Variants in ANKRD6 observed in about 807,000 individuals in gnomAD.
ANKRD6 encodes ankyrin repeat domain 6.
Under a neutral mutation model 82.3 loss-of-function variants are expected in ANKRD6, and 56 were observed. That is an observed-to-expected ratio of 0.68 (90% CI 0.55 to 0.85). ANKRD6 has a LOEUF of 0.85. Among genes scored for constraint, ANKRD6 ranks in the 40% least tolerant of loss-of-function variants. The pLI, the probability that ANKRD6 is intolerant of heterozygous loss-of-function variation, is 0.00. For synonymous variants in ANKRD6, 347 were observed against 352.1 expected, an observed-to-expected ratio of 0.99 and a Z score of 0.16; for missense variants, 852 against 907.6, an observed-to-expected ratio of 0.94 and a Z score of 0.79.
intron 1 of ANKRD6, among the ~76,000 whole-genome samples, chr6:89,525,513 G>A (rs910352997): frequency 2.0e-5 from 3 of 152,166 alleles, no homozygotes; most frequent in African/African-American, 7.2e-5. Flanking sequence ...TGGCTAATGA[G>A]TAGAAAGGAT....
intron 3 of ANKRD6, chr6:89,601,642 C>T (rs577613736): frequency 6.6e-6 from 1 of 152,128 alleles, no homozygotes; most frequent in African/African-American, 2.4e-5. Context: ...ATAAAATATA[C>T]ATAGCATTAA....
At chr6:89,586,077 A>G (rs1423846446) in intron 2 of ANKRD6, among the ~76,000 whole-genome samples, 1 of 152,242 alleles carries the variant, frequency 6.6e-6, no homozygotes, top group African/African-American at 2.4e-5. Context: ...TAAGAACAAG[A>G]AACACCAATC....
chr6:89,605,849 C>T (rs1451511733), intron 4 of ANKRD6, among the ~76,000 whole-genome samples, 158 bp from the exon 5 acceptor site: 1 of 152,156 alleles, frequency 6.6e-6, no homozygotes, highest in Non-Finnish European at 1.5e-5. Context: ...GAGAAACTTA[C>T]CACTCAAATC....
At chr6:89,618,383 G>A (rs1192921002) in intron 9 of ANKRD6, 3 of 588,288 alleles carry the variant, frequency 5.1e-6, no homozygotes, top group Non-Finnish European at 9.1e-6. Context: ...GCCCATCCCT[G>A]AAGAAGTGGG....
intron 1 of ANKRD6, among the ~76,000 whole-genome samples, chr6:89,523,518 T>C (rs1352042932): frequency 6.6e-6 from 1 of 152,212 alleles, no homozygotes; most frequent in African/African-American, 2.4e-5. Context: ...CTTTATGTGT[T>C]TATCCTATTG....
At chr6:89,526,910 CT>C (rs939672289) in intron 1 of ANKRD6, among the ~76,000 whole-genome samples, 1 of 152,216 alleles carries the variant, frequency 6.6e-6, no homozygotes, top group African/African-American at 2.4e-5. Flanking sequence ...CCACCTTGGC[CT>C]TTTTGTTTTA....
chr6:89,455,846 A>G (rs537351432), intron 1 of ANKRD6, among the ~76,000 whole-genome samples: 1 of 151,844 alleles, frequency 6.6e-6, no homozygotes, highest in Non-Finnish European at 1.5e-5. Context: ...TTCTTTATAA[A>G]TTATGCAGTC....
rs1465455653 is a variant in ANKRD6 at position 89,623,267 on chromosome 6, T to G, written c.898-143T>G. ...TTAGTTAAGACCACCAAGCAGTGTT[T>G]CCTATGTCTGAAATTTATGTTATTT... On this transcript the variant is annotated intron_variant, in intron 10 of 15. Coordinates refer to ENST00000339746, the MANE Select transcript of ANKRD6 (RefSeq NM_001242809.2). 19 of 1,166,462 alleles carry G rather than the reference T, an allele frequency of 1.6e-5. No individual in the cohort carries two copies. In the South Asian group the frequency reaches 2.3e-4, roughly 14 times the overall value. 72.3% of individuals were successfully genotyped at this position (1,166,462 alleles called of 1,614,324 possible). A position where few individuals can be genotyped will look rare whatever the true frequency, so the allele number is the denominator to read the frequency against.
At chr6:89,461,086 GT>G (rs964086033) in intron 1 of ANKRD6, among the ~76,000 whole-genome samples, 1 of 151,828 alleles carries the variant, frequency 6.6e-6, no homozygotes, top group Non-Finnish European at 1.5e-5. Flanking sequence ...TTTATTTATT[GT>G]TTTTTTGGTA....
rs143543823 is a variant in ANKRD6 at position 89,615,635 on chromosome 6, A to G, written c.616-924A>G. Among the ~76,000 whole-genome samples the G allele has an allele frequency of 8.5e-5, 13 of 152,296 alleles. No homozygotes were observed. The East Asian group carries it at 2.5e-3, about 29-fold the overall frequency. Reference sequence around the variant, plus strand: ...TGTGCAGAGCTTCCCTTCAATACACATAGCTAAGTGACTCAGAAATGAAAT... The same window carrying G: ...TGTGCAGAGCTTCCCTTCAATACACGTAGCTAAGTGACTCAGAAATGAAAT... On this transcript the variant is annotated intron_variant, in intron 7 of 15. Coordinates refer to ENST00000339746, the MANE Select transcript of ANKRD6 (RefSeq NM_001242809.2).
At position 89,557,209 on chromosome 6, in the gene ANKRD6, T is replaced by C. The variant is rs527382247; in HGVS notation, c.-143-9625T>C. ...TGGTAGGTGGTTGGGTGTTTAAATA[T>C]AGAGCTTCAGAGAACGTGATTGAGG... is the stretch of plus-strand genomic sequence containing the variant. On this transcript the variant is annotated intron_variant, in intron 1 of 15. Coordinates refer to ENST00000339746, the MANE Select transcript of ANKRD6 (RefSeq NM_001242809.2). Among the ~76,000 whole-genome samples the C allele has an allele frequency of 2.0e-5, 3 of 152,186 alleles. No homozygotes were observed. In the South Asian group the frequency reaches 6.2e-4, roughly 32 times the overall value.
intron 1 of ANKRD6, among the ~76,000 whole-genome samples, chr6:89,456,742 C>G (rs532706042): frequency 5.6e-4 from 85 of 152,200 alleles, no homozygotes; most frequent in South Asian, 3.7e-3. Context: ...TAAATTATGG[C>G]CACAGAAATT....
intron 1 of ANKRD6, among the ~76,000 whole-genome samples, chr6:89,438,492 T>C (rs1207601105): frequency 2.6e-5 from 4 of 152,202 alleles, no homozygotes; most frequent in Non-Finnish European, 5.9e-5. Flanking sequence ...AGCTAGGAAA[T>C]ACAGTCCCTG....
chr6:89,508,108 G>T (rs1281565433), intron 1 of ANKRD6, among the ~76,000 whole-genome samples: 1 of 152,120 alleles, frequency 6.6e-6, no homozygotes, highest in African/African-American at 2.4e-5. Context: ...ATTTATTGCT[G>T]TATAACAAAT....
intron 9 of ANKRD6, among the ~76,000 whole-genome samples, chr6:89,620,622 T>A (rs1374776361): frequency 6.6e-6 from 1 of 152,172 alleles, no homozygotes. Context: ...CAAAGATCTG[T>A]ATTCTGTTAA....
At chr6:89,549,449 G>C (rs1785527129) in intron 1 of ANKRD6, among the ~76,000 whole-genome samples, 1 of 120,456 alleles carries the variant, frequency 8.3e-6, no homozygotes, top group Admixed American at 1.1e-4. Flanking sequence ...ACAACAAGAA[G>C]GCCCTTGCAA....
At chr6:89,527,749 G>A (rs549552796) in intron 1 of ANKRD6, among the ~76,000 whole-genome samples, 40 of 152,166 alleles carry the variant, frequency 2.6e-4, no homozygotes, top group Middle Eastern at 3.4e-3. Flanking sequence ...CAGTGTTGAT[G>A]ACTGCTGACT....
intron 1 of ANKRD6, among the ~76,000 whole-genome samples, chr6:89,493,948 T>C (rs775635837): frequency 3.3e-5 from 5 of 152,234 alleles, no homozygotes; most frequent in East Asian, 1.9e-4. Flanking sequence ...GAAAAAGTTA[T>C]TCTGACACTT....
At chr6:89,464,556 C>G (rs546526168) in intron 1 of ANKRD6, among the ~76,000 whole-genome samples, 3 of 152,316 alleles carry the variant, frequency 2.0e-5, no homozygotes, top group African/African-American at 4.8e-5. Flanking sequence ...GTGTTCTTGC[C>G]TATTCACATG....
Sources: gnomAD v4.1 joint callset for allele counts (sites outside exome capture counted in the v4.1 genomes callset) on GRCh38, gnomAD v4.1.1 for gene constraint, MANE v1.5 for transcripts, NCBI Gene and HGNC (gene_info 2026-07-23, HGNC 2026-07-21) for gene names.